The following AGBL1 variants were observed in gnomAD, a reference collection of about 807,000 sequenced individuals.
The protein encoded by AGBL1 is AGBL carboxypeptidase 1.
A neutral mutation model predicts 118.9 loss-of-function variants in AGBL1; 130 were observed. The observed-to-expected ratio is 1.09, with a 90% CI of 0.95 to 1.26. AGBL1 has a LOEUF of 1.26. Among genes scored for constraint, AGBL1 ranks in the 50% most tolerant of loss-of-function variants. The pLI is 0.00. For missense variants in AGBL1, 1,584 were observed against 1,298.1 expected, an observed-to-expected ratio of 1.22 and a Z score of -3.38; for synonymous variants, 555 against 478.9, an observed-to-expected ratio of 1.16 and a Z score of -2.08.
intron 22 of AGBL1, among the ~76,000 whole-genome samples, chr15:86,702,009 A>C (rs772377792): frequency 7.4e-6 from 1 of 136,030 alleles, no homozygotes; most frequent in African/African-American, 2.8e-5. Context: ...TGGCTGATCT[A>C]CCCCAACCCT....
chr15:86,381,937 G>A (rs1379693965), intron 17 of AGBL1, among the ~76,000 whole-genome samples: 2 of 152,182 alleles, frequency 1.3e-5, no homozygotes, highest in African/African-American at 2.4e-5. Flanking sequence ...ATGGGGAGCC[G>A]CTGAATATTT....
At chr15:86,327,531 G>A (rs865824311) in intron 17 of AGBL1, among the ~76,000 whole-genome samples, 5 of 152,290 alleles carry the variant, frequency 3.3e-5, no homozygotes, top group African/African-American at 9.6e-5. Flanking sequence ...TTTAAGAAGC[G>A]ATGAAAGCCA....
chr15:86,860,775 T>G (rs764832742), intron 22 of AGBL1, among the ~76,000 whole-genome samples: 1 of 152,104 alleles, frequency 6.6e-6, no homozygotes, highest in Admixed American at 6.6e-5. Context: ...GATGAGCACA[T>G]GTTTCTATGT....
At chr15:86,362,800 T>G (rs1351305969) in intron 17 of AGBL1, among the ~76,000 whole-genome samples, 1 of 152,146 alleles carries the variant, frequency 6.6e-6, no homozygotes. Flanking sequence ...CAAAGTCAGG[T>G]GGATTGCTAC....
At chr15:86,552,615 T>A (rs2083679618) in intron 20 of AGBL1, among the ~76,000 whole-genome samples, 1 of 152,160 alleles carries the variant, frequency 6.6e-6, no homozygotes, top group African/African-American at 2.4e-5. Flanking sequence ...TGTAGGGATT[T>A]TCCTGTGAAT....
At chr15:86,863,355 A>G (rs1023534351) in intron 22 of AGBL1, among the ~76,000 whole-genome samples, 22 of 152,134 alleles carry the variant, frequency 1.4e-4, no homozygotes, top group Admixed American at 1.3e-4. Flanking sequence ...CAATGACTGG[A>G]TGTCTGATTA....
At chr15:86,281,659 T>C (rs1175148708) in intron 16 of AGBL1, among the ~76,000 whole-genome samples, 1 of 152,206 alleles carries the variant, frequency 6.6e-6, no homozygotes, top group Non-Finnish European at 1.5e-5. Flanking sequence ...AAGTCCCACA[T>C]TTAGCTAGCA....
intron 17 of AGBL1, among the ~76,000 whole-genome samples, chr15:86,336,326 G>A (rs748489291): frequency 1.3e-5 from 2 of 152,234 alleles, no homozygotes; most frequent in Non-Finnish European, 2.9e-5. Context: ...TCAGTTTTGA[G>A]TTGCTAGTCA....
intron 1 of AGBL1, among the ~76,000 whole-genome samples, chr15:86,124,163 C>G (rs955110850): frequency 3.9e-5 from 6 of 152,108 alleles, no homozygotes; most frequent in Non-Finnish European, 5.9e-5. Context: ...AATCCCATCT[C>G]TACTGAAAAT....
intron 23 of AGBL1, among the ~76,000 whole-genome samples, chr15:86,964,135 G>A (rs971663212): frequency 2.0e-5 from 3 of 151,512 alleles, no homozygotes; most frequent in Non-Finnish European, 4.4e-5. Context: ...ACCTAGAGAG[G>A]TTAAGTTCAC....
chr15:86,483,865 C>G (rs1215190444), intron 18 of AGBL1, among the ~76,000 whole-genome samples: 1 of 152,104 alleles, frequency 6.6e-6, no homozygotes, highest in Non-Finnish European at 1.5e-5. Context: ...AATCCCAGCT[C>G]ATCTTGAATA....
chr15:86,183,487 T>C (rs1276348989), intron 5 of AGBL1, among the ~76,000 whole-genome samples: 2 of 152,170 alleles, frequency 1.3e-5, no homozygotes, highest in Non-Finnish European at 2.9e-5. Context: ...CCTGATGTCC[T>C]ATGCATATGT....
chr15:86,979,434 C>T (rs921353614), intron 23 of AGBL1, among the ~76,000 whole-genome samples: 6 of 152,132 alleles, frequency 3.9e-5, no homozygotes, highest in African/African-American at 1.4e-4. Flanking sequence ...TGAAAACACA[C>T]AGGTAAGTGA....
intron 18 of AGBL1, among the ~76,000 whole-genome samples, chr15:86,451,384 T>C (rs899032699): frequency 6.6e-6 from 1 of 152,216 alleles, no homozygotes; most frequent in Admixed American, 6.5e-5. Flanking sequence ...TATATACCCA[T>C]AAAAGTTGTT....
At position 86,743,209 on chromosome 15, in the gene AGBL1, G is replaced by A. The variant is rs879759424; in HGVS notation, c.3158+68773G>A. On this transcript the variant is annotated intron_variant, in intron 22 of 22. Coordinates refer to ENST00000614907, the MANE Select transcript of AGBL1 (RefSeq NM_001386094.1). Reference sequence around the variant, plus strand: ...ATAGTTTTATTAAGGTGTAATTTACGTATCTTAAAATTCATCTACTTAAGT... The same window carrying A: ...ATAGTTTTATTAAGGTGTAATTTACATATCTTAAAATTCATCTACTTAAGT... 5.5e-4 allele frequency among the ~76,000 whole-genome samples: 83 copies of A among 151,802 alleles called. 1 individual carries two copies. The highest frequency in any genetic ancestry group is 4.2e-4 in the South Asian group (2 of 4,790).
intron 6 of AGBL1, among the ~76,000 whole-genome samples, chr15:86,231,181 T>C (rs1319900346): frequency 1.3e-5 from 2 of 152,218 alleles, no homozygotes; most frequent in Non-Finnish European, 2.9e-5. Context: ...TTTTTCCTAC[T>C]GGGTATAGCT....
intron 18 of AGBL1, among the ~76,000 whole-genome samples, chr15:86,502,941 A>T (rs145800309): frequency 2.6e-5 from 4 of 151,516 alleles, no homozygotes; most frequent in Non-Finnish European, 4.4e-5. Flanking sequence ...AATGAGTTGA[A>T]AATTGTTTCC....
intron 22 of AGBL1, among the ~76,000 whole-genome samples, chr15:86,797,252 A>G (rs1369188200): frequency 6.6e-6 from 1 of 152,226 alleles, no homozygotes; most frequent in Non-Finnish European, 1.5e-5. Context: ...AGTTAAACTG[A>G]CATTTTGTGG....
At chr15:87,020,366 C>T (rs1477026766) in intron 24 of AGBL1, among the ~76,000 whole-genome samples, 2 of 151,994 alleles carry the variant, frequency 1.3e-5, no homozygotes, top group Non-Finnish European at 2.9e-5. Flanking sequence ...ATAATAAAAG[C>T]CATATATAAC....
Sources: gnomAD v4.1 joint callset for allele counts (sites outside exome capture counted in the v4.1 genomes callset) on GRCh38, gnomAD v4.1.1 for gene constraint, MANE v1.5 for transcripts, NCBI Gene and HGNC (gene_info 2026-07-23, HGNC 2026-07-21) for gene names.